ITGA9: variants seen among roughly 807,000 people sequenced by gnomAD.
ITGA9 encodes integrin alpha-9.
Under a neutral mutation model 127.8 loss-of-function variants are expected in ITGA9, and 56 were observed. That is an observed-to-expected ratio of 0.44 (90% CI 0.35 to 0.55). The LOEUF (loss-of-function observed/expected upper bound fraction) is 0.55. Among genes scored for constraint, ITGA9 ranks in the 20% least tolerant of loss-of-function variants. The probability of loss-of-function intolerance (pLI) is 0.00; values close to 1 mark genes in which losing one functional copy is unlikely to be tolerated. For missense variants in ITGA9, 1,196 were observed against 1,347.1 expected, an observed-to-expected ratio of 0.89 and a Z score of 1.76; for synonymous variants, 508 against 514.5, an observed-to-expected ratio of 0.99 and a Z score of 0.17.
chr3:37,721,377 A>G (rs749954709), intron 18 of ITGA9, among the ~76,000 whole-genome samples: 11 of 151,942 alleles, frequency 7.2e-5, no homozygotes, highest in Non-Finnish European at 1.3e-4. Context: ...TGGCCTCCCA[A>G]AATGCCGGGA....
intron 16 of ITGA9, among the ~76,000 whole-genome samples, chr3:37,635,668 T>C (rs1458795456): frequency 1.3e-5 from 2 of 152,086 alleles, no homozygotes; most frequent in African/African-American, 2.4e-5. Flanking sequence ...TTAGGGTACA[T>C]GTGCACAACG....
rs942087593 is a variant in ITGA9 at position 37,718,184 on chromosome 3, A to C, written c.2068-14528A>C. On this transcript the variant is annotated intron_variant, in intron 18 of 27. Coordinates refer to ENST00000264741, the MANE Select transcript of ITGA9 (RefSeq NM_002207.3). ...GAGAGCATGAACAAAGGAATGTAAGATGTAACAGAAAACATACGTGTCTCA... is the reference window on the plus strand; with the variant it reads ...GAGAGCATGAACAAAGGAATGTAAGCTGTAACAGAAAACATACGTGTCTCA... Among the ~76,000 whole-genome samples, 4 of 152,378 alleles carry C rather than the reference A, an allele frequency of 2.6e-5. 1 individual carries two copies. In the South Asian group the frequency reaches 8.3e-4, roughly 32 times the overall value.
chr3:37,459,993 C>G (rs898001117), intron 1 of ITGA9, among the ~76,000 whole-genome samples: 1 of 152,126 alleles, frequency 6.6e-6, no homozygotes, highest in Non-Finnish European at 1.5e-5. Flanking sequence ...ATTTGAAGGG[C>G]CTCTTCTCAC....
At chr3:37,719,857 G>A (rs539953545) in intron 18 of ITGA9, among the ~76,000 whole-genome samples, 5 of 152,296 alleles carry the variant, frequency 3.3e-5, no homozygotes, top group African/African-American at 9.6e-5. Flanking sequence ...GATAAGGGCC[G>A]TGTGAATAGA....
chr3:37,603,246 CA>C (rs58714350), intron 15 of ITGA9, among the ~76,000 whole-genome samples: 20,184 of 151,862 alleles, frequency 0.13, 1,690 homozygotes, highest in Admixed American at 0.27. Context: ...GAAAATATTC[CA>C]AAAAAATGGA....
intron 15 of ITGA9, among the ~76,000 whole-genome samples, chr3:37,618,705 C>T (rs919767986): frequency 6.6e-6 from 1 of 152,240 alleles, no homozygotes; most frequent in East Asian, 1.9e-4. Context: ...GCAGTTTGAT[C>T]TCAGACTGCT....
intron 6 of ITGA9, among the ~76,000 whole-genome samples, chr3:37,503,796 CTT>C (rs934101672): frequency 6.6e-6 from 1 of 152,198 alleles, no homozygotes; most frequent in Non-Finnish European, 1.5e-5. Flanking sequence ...TTTCTTAACT[CTT>C]TTAATCTTCT....
chr3:37,612,373 T>A (rs142231740), intron 15 of ITGA9, among the ~76,000 whole-genome samples: 112 of 152,344 alleles, frequency 7.4e-4, no homozygotes, highest in African/African-American at 2.5e-3. Context: ...ATATACCAGC[T>A]TTTTCTTGAT....
intron 25 of ITGA9, among the ~76,000 whole-genome samples, chr3:37,781,530 T>TA (rs1443019676): frequency 3.3e-5 from 5 of 152,200 alleles, no homozygotes; most frequent in African/African-American, 1.2e-4. Flanking sequence ...GGTGGTTCAT[T>TA]AAAAAACCAC....
chr3:37,608,574 A>G (rs1165506365), intron 15 of ITGA9, among the ~76,000 whole-genome samples: 1 of 152,228 alleles, frequency 6.6e-6, no homozygotes, highest in Non-Finnish European at 1.5e-5. Flanking sequence ...CCCAGATAGT[A>G]CATTGGCATT....
chr3:37,489,779 C>G (rs2019733), intron 4 of ITGA9, among the ~76,000 whole-genome samples: 27,015 of 150,476 alleles, frequency 0.18, 2,563 homozygotes, highest in Non-Finnish European at 0.22. Context: ...AGATTTGCCA[C>G]TCTGTTAGAA....
chr3:37,526,553 C>T (rs1017142882), intron 13 of ITGA9, among the ~76,000 whole-genome samples: 1 of 152,222 alleles, frequency 6.6e-6, no homozygotes, highest in Non-Finnish European at 1.5e-5. Flanking sequence ...TTAGACAGCA[C>T]GTCATTCCCT....
At chr3:37,679,579 G>A (rs1700715469) in intron 17 of ITGA9, among the ~76,000 whole-genome samples, 1 of 152,126 alleles carries the variant, frequency 6.6e-6, no homozygotes, top group South Asian at 2.1e-4. Context: ...ATGTGAAGGG[G>A]GAGCTGATGA....
chr3:37,551,193 T>A (rs1699375029), intron 15 of ITGA9, among the ~76,000 whole-genome samples: 1 of 152,188 alleles, frequency 6.6e-6, no homozygotes, highest in African/African-American at 2.4e-5. Flanking sequence ...ATTGTTTCCA[T>A]TTAAAACAAT....
intron 15 of ITGA9, among the ~76,000 whole-genome samples, chr3:37,586,083 G>A (rs2125612469): frequency 6.6e-6 from 1 of 152,296 alleles, no homozygotes; most frequent in South Asian, 2.1e-4. Flanking sequence ...ACTGTAACTG[G>A]TTGCTGAGGT....
At chr3:37,708,675 A>ACACAACAAGGAAG in intron 18 of ITGA9, among the ~76,000 whole-genome samples, 1 of 152,308 alleles carries the variant, frequency 6.6e-6, no homozygotes, top group Non-Finnish European at 1.5e-5. Context: ...ACAGCTCCCC[A>ACACAACAAGGAAG]TACAACAAAG....
intron 23 of ITGA9, among the ~76,000 whole-genome samples, chr3:37,768,095 A>G (rs1406803943): frequency 1.3e-5 from 2 of 152,170 alleles, no homozygotes; most frequent in Non-Finnish European, 2.9e-5. Flanking sequence ...ACGTGAAAGT[A>G]TTTGTCCTAG....
intron 15 of ITGA9, among the ~76,000 whole-genome samples, chr3:37,625,083 G>T (rs894832833): frequency 5.3e-5 from 8 of 152,106 alleles, no homozygotes; most frequent in African/African-American, 1.4e-4. Flanking sequence ...GATGCAGTCC[G>T]CTGGACAGCC....
At chr3:37,511,035 G>A (rs1171397888) in intron 8 of ITGA9, among the ~76,000 whole-genome samples, 1 of 152,198 alleles carries the variant, frequency 6.6e-6, no homozygotes, top group Middle Eastern at 3.2e-3. Flanking sequence ...TTCAAAGGAT[G>A]CCTTTAGATT....
Sources: gnomAD v4.1 joint callset for allele counts (sites outside exome capture counted in the v4.1 genomes callset) on GRCh38, gnomAD v4.1.1 for gene constraint, MANE v1.5 for transcripts, NCBI Gene and HGNC (gene_info 2026-07-23, HGNC 2026-07-21) for gene names.